HERC2: variants seen among roughly 807,000 people sequenced by gnomAD.
The protein encoded by HERC2 is HECT and RLD domain containing E3 ubiquitin protein ligase 2, also known as E3 ubiquitin-protein ligase HERC2.
HERC2 carries 102 observed loss-of-function variants against 537.7 expected under a neutral mutation model. That is an observed-to-expected ratio of 0.19 (90% CI 0.16 to 0.22). The LOEUF (loss-of-function observed/expected upper bound fraction) is 0.22, where lower values mean the gene tolerates loss of function less well. HERC2 is among the 10% of genes least tolerant of loss of function. The pLI is 1.00. For synonymous variants in HERC2, 2,224 were observed against 2,466.2 expected (o/e 0.90, Z 2.91); for missense variants, 4,236 against 6,198.2 (o/e 0.68, Z 10.63).
chr15:28,176,995 G>A lies in HERC2; in HGVS notation c.9387C>T (p.Gly3129=). The A allele has an allele frequency of 1.9e-6, 3 of 1,614,072 alleles. No individual in the cohort carries two copies. Among genetic ancestry groups the A allele is most frequent in the Non-Finnish European group, 2.5e-6 (3 of 1,179,960 alleles). The change falls in exon 61 of 93, where the codon GGC becomes GGT. Residue 3129 remains glycine (G), a synonymous_variant. Transcript: ENST00000261609. This position sits in a 1 kb window ranked among gnomAD's most constrained non-coding sequence, Gnocchi z 5.0. Reference sequence around the variant, plus strand: ...TCGTATTATCCCCATGTCCCAGCCGGCCGTACTCGCCGAGGCCCCAGGTGT... The same window carrying A: ...TCGTATTATCCCCATGTCCCAGCCGACCGTACTCGCCGAGGCCCCAGGTGT... The part of the protein sequence containing the change: ...ELYTWGLGEY[G]RLGHGDNTTQ...
At chr15:28,243,040 C>CA (rs1567060983) in intron 23 of HERC2, among the ~76,000 whole-genome samples, 6 of 152,202 alleles carry the variant, frequency 3.9e-5, no homozygotes, top group Non-Finnish European at 8.8e-5. Context: ...CAATGCACTA[C>CA]AGGTCCTAGC....
chr15:28,211,104 G>C lies in HERC2; in HGVS notation c.6967C>G (p.Leu2323Val). The C allele has an allele frequency of 6.2e-7, 1 of 1,609,970 alleles. No homozygotes were observed. The highest frequency in any genetic ancestry group is 8.5e-7 in the Non-Finnish European group (1 of 1,178,112). The change falls in exon 44 of 93, where the codon CTA (leucine) becomes GTA (valine). Residue 2323 changes from leucine to valine, a missense_variant. Leu to Val is a conservative substitution (Grantham distance 32, BLOSUM62 1). Transcript: ENST00000261609. Reference protein sequence around the residue: ...LDLLRCQQLKLYILKAGRALL... With the variant: ...LDLLRCQQLKVYILKAGRALL... ...GCCCGACCTGCTTTCAGGATGTATA[G>C]CTTCAACTGCTGGCACCGCAGCAGG...
intron 81 of HERC2, among the ~76,000 whole-genome samples, chr15:28,131,247 C>A (rs1289376459): frequency 6.6e-6 from 1 of 152,238 alleles, no homozygotes; most frequent in Non-Finnish European, 1.5e-5. Context: ...TCCAGCCCCT[C>A]TGATGCCCAG....
intron 90 of HERC2, 71 bp downstream of exon 90, chr15:28,114,541 C>T: frequency 2.9e-6 from 4 of 1,391,374 alleles, no homozygotes; most frequent in Non-Finnish European, 4.0e-6. Context: ...GAAAAACACA[C>T]ATGTCCACAC....
intron 2 of HERC2, among the ~76,000 whole-genome samples, chr15:28,315,054 A>C (rs1250050747): frequency 3.3e-5 from 5 of 152,202 alleles, no homozygotes; most frequent in Non-Finnish European, 7.4e-5. Flanking sequence ...GCTGACTCCT[A>C]TGTTACTGCC....
chr15:28,190,068 G>T (rs1246039064), intron 55 of HERC2: 2 of 148,998 alleles, frequency 1.3e-5, no homozygotes, highest in African/African-American at 5.0e-5. Flanking sequence ...GAGTGCAGTG[G>T]CACGATCTCG....
At chr15:28,185,650 A>G (rs1017270105) in intron 56 of HERC2, among the ~76,000 whole-genome samples, 6 of 152,172 alleles carry the variant, frequency 3.9e-5, no homozygotes, top group African/African-American at 1.4e-4. Flanking sequence ...CGCAGATATC[A>G]TTCTCCTCTG....
At chr15:28,130,656 C>G in intron 81 of HERC2, 62 bp from the exon 82 acceptor site, 1 of 1,116,930 alleles carries the variant, frequency 9.0e-7, no homozygotes. Context: ...CTGCTATAAC[C>G]ACACTGAGAT....
chr15:28,129,326 C>G (rs145076740), intron 83 of HERC2, among the ~76,000 whole-genome samples: 8 of 152,218 alleles, frequency 5.3e-5, no homozygotes, highest in Non-Finnish European at 1.2e-4. Flanking sequence ...AGGAGCCACA[C>G]AGGACGAGCT....
At position 28,248,740 on chromosome 15, in the gene HERC2, T is replaced by C. The variant is rs527378149; in HGVS notation, c.3051-4A>G. On this transcript the variant is annotated splice_region_variant and splice_polypyrimidine_tract_variant and intron_variant, in intron 20 of 92. Transcript: ENST00000261609. ...TACAGTCTGAGAAGCAATGTTTCTA[T>C]ACAGGAAAGAAGAGGATTACAAAAT... The C allele has an allele frequency of 1.9e-6, 3 of 1,608,884 alleles. No homozygotes were observed. The highest frequency in any genetic ancestry group is 1.3e-5 in the African/African-American group (1 of 74,872).
chr15:28,257,070 T>C lies in HERC2; in HGVS notation c.2508A>G (p.Leu836=), dbSNP rs544356270. The C allele has an allele frequency of 3.7e-5, 60 of 1,613,404 alleles. No homozygotes were observed. The highest frequency in any genetic ancestry group is 7.7e-5 in the South Asian group (7 of 91,046). The part of the protein sequence containing the change: ...ECVAVATLNL[L]RLQLHAAISH... Reference sequence around the variant, plus strand: ...GGGAAATCATGAATACCTGAAGTCGTAGAAGATTCAGCGTTGCCACGGCCA... The same window carrying C: ...GGGAAATCATGAATACCTGAAGTCGCAGAAGATTCAGCGTTGCCACGGCCA... Residue 836 remains leucine (L), a synonymous_variant, in exon 17 of 93, where the codon CTA becomes CTG. Transcript: ENST00000261609.
intron 66 of HERC2, 58 bp from the exon 67 acceptor site, chr15:28,168,648 G>C: frequency 1.3e-6 from 2 of 1,517,666 alleles, no homozygotes; most frequent in Non-Finnish European, 1.8e-6. Flanking sequence ...TGCAGCACAG[G>C]AAGTGGAGAG....
intron 14 of HERC2, among the ~76,000 whole-genome samples, chr15:28,264,648 C>T (rs2075512450): frequency 6.6e-6 from 1 of 152,190 alleles, no homozygotes; most frequent in African/African-American, 2.4e-5. Context: ...GTTTACTCAA[C>T]ATATCATCGC....
chr15:28,125,184 T>C lies in HERC2; in HGVS notation c.12812A>G (p.Tyr4271Cys), dbSNP rs1335676224. 6.2e-7 allele frequency: 1 copy of C among 1,609,532 alleles called. No homozygotes were observed. Among genetic ancestry groups the C allele is most frequent in the South Asian group, 1.1e-5 (1 of 91,006 alleles). Residue 4271 changes from tyrosine (Y) to cysteine (C), a missense_variant, in exon 84 of 93, where the codon TAT becomes TGT. Coordinates refer to ENST00000261609, the MANE Select transcript of HERC2 (RefSeq NM_004667.6). ...TCCCTCATCATTGTCGCCCCATGTA[T>C]AAACCTCACCTGAATGAAGTGAATT... The part of the protein sequence containing the change: ...CVCCTEDGEV[Y>C]TWGDNDEGQL...
chr15:28,181,034 G>A (rs1895770315), intron 57 of HERC2, among the ~76,000 whole-genome samples: 1 of 152,136 alleles, frequency 6.6e-6, no homozygotes, highest in Non-Finnish European at 1.5e-5. Context: ...CACACCTGTA[G>A]ACTATGCCTT....
chr15:28,255,830 T>C (rs772966368), intron 19 of HERC2, 42 bp downstream of exon 19: 1 of 1,583,236 alleles, frequency 6.3e-7, no homozygotes, highest in South Asian at 1.1e-5. Flanking sequence ...GTATTTCTGA[T>C]CTCAGTGCAC....
At chr15:28,314,862 GGA>G (rs1491344542) in intron 2 of HERC2, among the ~76,000 whole-genome samples, 5 of 67,140 alleles carry the variant, frequency 7.4e-5, no homozygotes, top group Non-Finnish European at 2.4e-4. Flanking sequence ...CTCCCTCTCA[GGA>G]AAAAAAAAAA....
At chr15:28,131,085 GCTC>G (rs1469830409) in intron 81 of HERC2, among the ~76,000 whole-genome samples, 1 of 152,122 alleles carries the variant, frequency 6.6e-6, no homozygotes, top group Admixed American at 6.5e-5. Context: ...CCCACAAGCT[GCTC>G]CTCATGACCT....
intron 23 of HERC2, among the ~76,000 whole-genome samples, chr15:28,241,155 T>C (rs1903073419): frequency 6.6e-6 from 1 of 152,122 alleles, no homozygotes; most frequent in African/African-American, 2.4e-5. Flanking sequence ...CTATGCAGAA[T>C]ATATAATTAA....
Sources: allele counts gnomAD v4.1 joint callset (sites outside exome capture counted in the v4.1 genomes callset), GRCh38; gene constraint gnomAD v4.1.1; non-coding constraint Gnocchi (gnomAD v3.1); transcripts MANE v1.5; gene names NCBI Gene and HGNC (gene_info 2026-07-23, HGNC 2026-07-21).